Variants in CLCN3 observed in about 807,000 individuals in gnomAD.
CLCN3 encodes the protein Cl-/H+ antiporter 3, also known as H(+)/Cl(-) exchange transporter 3.
Under a neutral mutation model 83.4 loss-of-function variants are expected in CLCN3, and 16 were observed. The observed-to-expected ratio is 0.19, with a 90% confidence interval of 0.13 to 0.29. The LOEUF is 0.29. Among genes scored for constraint, CLCN3 ranks in the 10% least tolerant of loss-of-function variants. The pLI is 1.00. For missense variants in CLCN3, 544 were observed against 1,006.0 expected (o/e 0.54, Z 6.21); for synonymous variants, 322 against 346.2 (o/e 0.93, Z 0.78).
chr4:169,718,247 C>A (rs919593030), intron 12 of CLCN3, among the ~76,000 whole-genome samples: 1 of 150,928 alleles, frequency 6.6e-6, no homozygotes, highest in Admixed American at 6.6e-5. Context: ...GACCCATCCC[C>A]GCAAGCCCTT....
At chr4:169,635,834 CTTTCCT>C in intron 1 of CLCN3, 73 bp from the exon 2 acceptor site, 2 of 1,184,918 alleles carry the variant, frequency 1.7e-6, no homozygotes, top group Non-Finnish European at 2.3e-6. Context: ...TAGATCATAA[CTTTCCT>C]TTTGTGATGT....
chr4:169,676,657 T>A (rs1731691616), intron 2 of CLCN3, among the ~76,000 whole-genome samples: 1 of 150,588 alleles, frequency 6.6e-6, no homozygotes, highest in Admixed American at 6.6e-5. Flanking sequence ...AGCATTTTTT[T>A]TTTTTTTTTT....
rs957559550 is a variant in CLCN3 at position 169,721,231 on chromosome 4, A to C, written c.*1234A>C. The C allele has an allele frequency of 1.3e-5, 2 of 152,194 alleles. No homozygotes were observed. Among genetic ancestry groups the C allele is most frequent in the Non-Finnish European group, 2.9e-5 (2 of 68,040 alleles). 9.4% of individuals were successfully genotyped at this position (152,194 alleles called of 1,614,324 possible). A position where few individuals can be genotyped will look rare whatever the true frequency, so the allele number is the denominator to read the frequency against. ...TAAAATACAGATCAGTTAATATTGC[A>C]CTTAAGTAATTTTACCTTTTTAATG... On this transcript the variant is annotated 3_prime_UTR_variant, in exon 13 of 13. Transcript: ENST00000513761.
At chr4:169,636,735 G>GTTGTTTTTTTTTTTTTTT (rs1553965336) in intron 2 of CLCN3, among the ~76,000 whole-genome samples, 2 of 119,520 alleles carry the variant, frequency 1.7e-5, no homozygotes, top group Non-Finnish European at 1.8e-5. Flanking sequence ...TCATTATTTG[G>GTTGTTTTTTTTTTTTTTT]TTTTTTTTTT....
rs1341001932 is a variant in CLCN3 at position 169,680,213 on chromosome 4, TG to T, written c.318+7del. The T allele has an allele frequency of 1.5e-5, 24 of 1,598,494 alleles. No individual in the cohort carries two copies. Among genetic ancestry groups the T allele is most frequent in the Non-Finnish European group, 2.0e-5 (24 of 1,173,820 alleles). On this transcript the variant is annotated splice_region_variant and intron_variant, in intron 3 of 12. Transcript: ENST00000513761. Reference sequence around the variant, plus strand: ...ACAGAGAAAGGCATAGACGGGTAAGTGTTTTTAGTAAAAATTTTTAAAAACA... The same window carrying T: ...ACAGAGAAAGGCATAGACGGGTAAGTTTTTTAGTAAAAATTTTTAAAAACA...
chr4:169,684,803 G>C (rs1473810188), intron 3 of CLCN3, among the ~76,000 whole-genome samples: 2 of 151,940 alleles, frequency 1.3e-5, no homozygotes, highest in Non-Finnish European at 1.5e-5. Context: ...CCAAAAATCT[G>C]AACATCACAA....
At chr4:169,710,867 A>G (rs1490256398) in intron 11 of CLCN3, among the ~76,000 whole-genome samples, 1 of 151,964 alleles carries the variant, frequency 6.6e-6, no homozygotes, top group Non-Finnish European at 1.5e-5. Flanking sequence ...AGCTATAGTT[A>G]TTACTGTTTT....
At chr4:169,670,941 A>G (rs1272718386) in intron 2 of CLCN3, among the ~76,000 whole-genome samples, 3 of 152,198 alleles carry the variant, frequency 2.0e-5, no homozygotes, top group Non-Finnish European at 4.4e-5. Flanking sequence ...AAAAAGTCAA[A>G]AAAGAATAGA....
intron 12 of CLCN3, among the ~76,000 whole-genome samples, chr4:169,717,130 G>T (rs1733450746): frequency 1.3e-5 from 2 of 151,986 alleles, no homozygotes; most frequent in Admixed American, 1.3e-4. Flanking sequence ...AGAAACAATT[G>T]TTATTTAGAA....
At chr4:169,682,551 G>A (rs779351029) in intron 3 of CLCN3, among the ~76,000 whole-genome samples, 1 of 152,118 alleles carries the variant, frequency 6.6e-6, no homozygotes, top group Non-Finnish European at 1.5e-5. Flanking sequence ...AATAAATTAC[G>A]CAAGTGCTTT....
chr4:169,663,884 C>T (rs2150222442), intron 2 of CLCN3, among the ~76,000 whole-genome samples: 1 of 152,242 alleles, frequency 6.6e-6, no homozygotes, highest in Admixed American at 6.5e-5. Flanking sequence ...AGTTTAAACA[C>T]AGACAGAATC....
At chr4:169,663,729 G>A (rs62333166) in intron 2 of CLCN3, 35,409 of 303,452 alleles carry the variant, frequency 0.12, 2,293 homozygotes, top group East Asian at 0.16. Context: ...TTTTCTAGTT[G>A]ACAAGACTGA....
At chr4:169,633,119 T>C (rs1773420818) in intron 1 of CLCN3, among the ~76,000 whole-genome samples, 1 of 152,128 alleles carries the variant, frequency 6.6e-6, no homozygotes, top group Admixed American at 6.6e-5. Context: ...CTCAAGCGAT[T>C]TTCATGCCTC....
At chr4:169,668,043 A>ATTTTT (rs60739106) in intron 2 of CLCN3, among the ~76,000 whole-genome samples, 17 of 82,310 alleles carry the variant, frequency 2.1e-4, no homozygotes, top group African/African-American at 2.4e-4. Context: ...CCGGCCAGAC[A>ATTTTT]TTTTTTTTTT....
intron 12 of CLCN3, among the ~76,000 whole-genome samples, chr4:169,714,613 CTCTT>C (rs1178773813): frequency 6.6e-6 from 1 of 152,084 alleles, no homozygotes; most frequent in Non-Finnish European, 1.5e-5. Flanking sequence ...GATAGAAATC[CTCTT>C]TCTTTGTGAT....
At chr4:169,689,770 A>G (rs1377102715) in intron 5 of CLCN3, among the ~76,000 whole-genome samples, 1 of 152,230 alleles carries the variant, frequency 6.6e-6, no homozygotes, top group Non-Finnish European at 1.5e-5. Flanking sequence ...ATTTTGTTTT[A>G]GCTGAACTTT....
intron 11 of CLCN3, among the ~76,000 whole-genome samples, chr4:169,710,518 A>T (rs1250628660): frequency 6.6e-6 from 1 of 152,184 alleles, no homozygotes; most frequent in Non-Finnish European, 1.5e-5. Flanking sequence ...CACCTGCCTC[A>T]GCCTCCTGAA....
chr4:169,678,210 TAC>T (rs1731758141), intron 2 of CLCN3, among the ~76,000 whole-genome samples: 1 of 152,246 alleles, frequency 6.6e-6, no homozygotes, highest in Non-Finnish European at 1.5e-5. Context: ...TTTCTAATTT[TAC>T]AGAGTCTATT....
chr4:169,711,129 CA>C (rs1339148865), intron 11 of CLCN3, among the ~76,000 whole-genome samples: 1 of 152,198 alleles, frequency 6.6e-6, no homozygotes, highest in Non-Finnish European at 1.5e-5. Flanking sequence ...CAGTTGCTTA[CA>C]AAAACTACAG....
Sources: gnomAD v4.1 joint callset for allele counts (sites outside exome capture counted in the v4.1 genomes callset) on GRCh38, gnomAD v4.1.1 for gene constraint, MANE v1.5 for transcripts, NCBI Gene and HGNC (gene_info 2026-07-23, HGNC 2026-07-21) for gene names.